Variants in LRP1B observed in about 807,000 individuals in gnomAD.
LRP1B encodes LDL receptor related protein 1B, also known as low-density lipoprotein receptor-related protein 1B.
A neutral mutation model predicts 556.6 loss-of-function variants in LRP1B; 217 were observed. The observed-to-expected ratio is 0.39, with a 90% CI of 0.35 to 0.44. The LOEUF is 0.44. Among genes scored for constraint, LRP1B ranks in the 20% least tolerant of loss-of-function variants. The pLI, the probability that LRP1B is intolerant of heterozygous loss-of-function variation, is 1.00. For synonymous variants in LRP1B, 2,047 were observed against 1,865.8 expected, an observed-to-expected ratio of 1.10 and a Z score of -2.50; for missense variants, 5,053 against 5,620.8, an observed-to-expected ratio of 0.90 and a Z score of 3.23.
At chr2:141,119,201 T>C (rs542497779) in intron 7 of LRP1B, among the ~76,000 whole-genome samples, 102 of 151,984 alleles carry the variant, frequency 6.7e-4, no homozygotes, top group African/African-American at 2.3e-3. Flanking sequence ...TTGTGACCTG[T>C]TAAAATCATC....
chr2:140,563,393 T>C (rs569479215), intron 43 of LRP1B, among the ~76,000 whole-genome samples: 2 of 145,980 alleles, frequency 1.4e-5, no homozygotes, highest in East Asian at 4.1e-4. Flanking sequence ...ATATAAATGC[T>C]TTTTCTTTTA....
rs780567183 is a variant in LRP1B at position 140,485,328 on chromosome 2, A to T, written c.9425+15T>A. 1 of 1,597,476 alleles carries T rather than the reference A, an allele frequency of 6.3e-7. No homozygotes were observed. The highest frequency in any genetic ancestry group is 8.5e-7 in the Non-Finnish European group (1 of 1,172,452). On this transcript the variant is annotated intron_variant, in intron 59 of 90. Coordinates refer to ENST00000389484, the MANE Select transcript of LRP1B (RefSeq NM_018557.3). The stretch of plus-strand genomic sequence containing the variant: ...CCAGTCTTAAACTTTAAGATTTTTA[A>T]CAGTTTTTACAAACCCAGCTTGAGG...
intron 1 of LRP1B, among the ~76,000 whole-genome samples, chr2:141,832,628 A>C (rs2105747803): frequency 6.6e-6 from 1 of 151,862 alleles, no homozygotes; most frequent in Middle Eastern, 3.4e-3. Context: ...GAGGCATTCT[A>C]ATGCTGTGGA....
chr2:140,657,134 T>C (rs1177130761), intron 41 of LRP1B, among the ~76,000 whole-genome samples: 2 of 152,096 alleles, frequency 1.3e-5, no homozygotes. Flanking sequence ...ACATGAGTGT[T>C]TTCTCAGGAA....
chr2:141,433,972 G>A (rs1680663849), intron 3 of LRP1B, among the ~76,000 whole-genome samples: 1 of 151,130 alleles, frequency 6.6e-6, no homozygotes, highest in Non-Finnish European at 1.5e-5. Context: ...TGATAGTTTT[G>A]TTGGGGTTCT....
intron 2 of LRP1B, among the ~76,000 whole-genome samples, chr2:141,568,920 ATT>A (rs70994438): frequency 7.0e-6 from 1 of 142,990 alleles, no homozygotes; most frequent in Admixed American, 6.9e-5. Flanking sequence ...TGCCCAGTTA[ATT>A]TTTTTTTTTT....
At chr2:140,645,592 TGCAGTGA>T (rs968144701) in intron 41 of LRP1B, among the ~76,000 whole-genome samples, 1 of 139,048 alleles carries the variant, frequency 7.2e-6, no homozygotes, top group African/African-American at 2.8e-5. Flanking sequence ...CAGGCTGGAG[TGCAGTGA>T]CACGATCTCC....
chr2:141,721,228 G>T (rs1359044095), intron 2 of LRP1B, among the ~76,000 whole-genome samples: 1 of 152,054 alleles, frequency 6.6e-6, no homozygotes. Context: ...ATTCCAATTT[G>T]CAAAGTTTTT....
At chr2:141,965,884 A>T (rs1427876308) in intron 1 of LRP1B, among the ~76,000 whole-genome samples, 1 of 150,510 alleles carries the variant, frequency 6.6e-6, no homozygotes, top group South Asian at 2.1e-4. Flanking sequence ...CTAATTGCTG[A>T]GACAAATTTT....
chr2:140,708,075 C>T (rs760241158), intron 37 of LRP1B, among the ~76,000 whole-genome samples: 11 of 152,020 alleles, frequency 7.2e-5, no homozygotes, highest in African/African-American at 1.4e-4. Context: ...TAGGTACCCT[C>T]ATAAAGTCCA....
intron 2 of LRP1B, among the ~76,000 whole-genome samples, chr2:141,739,252 T>G (rs986358111): frequency 4.6e-5 from 7 of 152,070 alleles, no homozygotes; most frequent in Non-Finnish European, 5.9e-5. Flanking sequence ...ATCAATAATC[T>G]CCTGGGAGGT....
intron 3 of LRP1B, among the ~76,000 whole-genome samples, chr2:141,362,960 A>T (rs1257135163): frequency 6.6e-6 from 1 of 152,160 alleles, no homozygotes; most frequent in Non-Finnish European, 1.5e-5. Flanking sequence ...CCTGCAGCTT[A>T]ATCTTCCTAT....
chr2:141,259,288 G>T (rs1684599119), intron 3 of LRP1B, among the ~76,000 whole-genome samples: 1 of 149,622 alleles, frequency 6.7e-6, no homozygotes, highest in East Asian at 2.0e-4. Context: ...TGCAACAAGA[G>T]TGCTTTACCT....
intron 56 of LRP1B, 82 bp downstream of exon 56, chr2:140,495,483 T>C (rs962149693): frequency 7.8e-7 from 1 of 1,275,618 alleles, no homozygotes; most frequent in Non-Finnish European, 1.1e-6. Flanking sequence ...CAAGGAGGAG[T>C]GAATTCAATA....
chr2:141,142,224 C>A (rs1428426630), intron 7 of LRP1B, among the ~76,000 whole-genome samples: 1 of 152,202 alleles, frequency 6.6e-6, no homozygotes, highest in Non-Finnish European at 1.5e-5. Context: ...TTACAGGCCT[C>A]TGAATGTTGA....
chr2:141,156,020 C>A (rs1344488665), intron 7 of LRP1B, among the ~76,000 whole-genome samples: 1 of 152,080 alleles, frequency 6.6e-6, no homozygotes, highest in African/African-American at 2.4e-5. Context: ...ATCAGACATT[C>A]AAACACTCAA....
chr2:140,635,180 T>C lies in LRP1B; in HGVS notation c.6800-33541A>G, dbSNP rs1405919780. On this transcript the variant is annotated intron_variant, in intron 41 of 90. Transcript: ENST00000389484. ...TTGAGACTATAAGCTACTTCATCTG[T>C]TGAAACTTCACTTTTCTCTCTGTAA... is the stretch of plus-strand genomic sequence containing the variant. Among the ~76,000 whole-genome samples the C allele has an allele frequency of 2.6e-5, 4 of 152,118 alleles. No individual in the cohort carries two copies. The East Asian group carries it at 7.7e-4, about 29-fold the overall frequency.
intron 1 of LRP1B, among the ~76,000 whole-genome samples, chr2:142,009,364 C>T (rs1310481404): frequency 6.6e-6 from 1 of 152,004 alleles, no homozygotes; most frequent in East Asian, 1.9e-4. Flanking sequence ...TCCTTTTTCA[C>T]CCTCTCCTCA....
intron 60 of LRP1B, among the ~76,000 whole-genome samples, chr2:140,462,318 T>A (rs1253457095): frequency 6.6e-6 from 1 of 152,228 alleles, no homozygotes; most frequent in Non-Finnish European, 1.5e-5. Context: ...TCAGAATTGC[T>A]GCAGAAAATA....
Sources: allele counts gnomAD v4.1 joint callset (sites outside exome capture counted in the v4.1 genomes callset), GRCh38; gene constraint gnomAD v4.1.1; transcripts MANE v1.5; gene names NCBI Gene and HGNC (gene_info 2026-07-23, HGNC 2026-07-21).